KIAA1671: variants seen among roughly 807,000 people sequenced by gnomAD.
The protein encoded by KIAA1671 is KIAA1671, also known as uncharacterized protein KIAA1671.
KIAA1671 carries 52 observed loss-of-function variants against 131.2 expected under a neutral mutation model. The observed-to-expected ratio is 0.40, with a 90% CI of 0.32 to 0.50. The LOEUF (loss-of-function observed/expected upper bound fraction) is 0.50, where lower values mean the gene tolerates loss of function less well. KIAA1671 is among the 20% of genes least tolerant of loss of function. The pLI is 0.73. For missense variants in KIAA1671, 2,360 were observed against 2,364.2 expected, an observed-to-expected ratio of 1.00 and a Z score of 0.04; for synonymous variants, 1,003 against 961.6, an observed-to-expected ratio of 1.04 and a Z score of -0.80.
Position 25,071,399 on chromosome 22 carries a change from C to T in KIAA1671, c.4530+22035C>T, listed in dbSNP as rs182049282. On this transcript the variant is annotated intron_variant, in intron 6 of 12. Coordinates refer to ENST00000358431, the MANE Select transcript of KIAA1671 (RefSeq NM_001145206.2). ...CAGTCCCAGAGTGTCTCACCTCCCT[C>T]CTGAGCCCCCCAGAGCAGTGGGGAA... Among the ~76,000 whole-genome samples, 28 of 152,320 alleles carry T rather than the reference C, an allele frequency of 1.8e-4. 1 individual carries two copies. The highest frequency in any genetic ancestry group is 1.7e-3 in the Admixed American group (26 of 15,308).
intron 6 of KIAA1671, among the ~76,000 whole-genome samples, chr22:25,065,485 G>A (rs5752051): frequency 0.54 from 81,851 of 151,832 alleles, 24,132 homozygotes; most frequent in African/African-American, 0.8. Flanking sequence ...TGCTACATGC[G>A]AGTCTTCTGA....
chr22:24,999,235 C>T (rs1924304730), intron 1 of KIAA1671, among the ~76,000 whole-genome samples: 1 of 150,340 alleles, frequency 6.7e-6, no homozygotes, highest in Non-Finnish European at 1.5e-5. Context: ...GTATAGTATA[C>T]AGAGAGAGAG....
intron 6 of KIAA1671, among the ~76,000 whole-genome samples, chr22:25,162,314 G>T (rs1933474042): frequency 6.6e-6 from 1 of 152,194 alleles, no homozygotes; most frequent in African/African-American, 2.4e-5. Context: ...GCTGGCCTGG[G>T]CCCCATGACC....
intron 1 of KIAA1671, among the ~76,000 whole-genome samples, chr22:24,993,069 G>A (rs554106164): frequency 7.2e-5 from 11 of 152,034 alleles, no homozygotes; most frequent in Middle Eastern, 3.4e-3. Context: ...TCTCGAAGCC[G>A]CCCTCTCTGC....
Position 25,177,362 on chromosome 22 carries a change from C to A in KIAA1671, c.4914C>A (p.Leu1638=). 1 of 1,550,590 alleles carries A rather than the reference C, an allele frequency of 6.4e-7. No homozygotes were observed. Among genetic ancestry groups the A allele is most frequent in the Non-Finnish European group, 8.7e-7 (1 of 1,146,424 alleles). Residue 1638 remains leucine, a synonymous_variant, in exon 9 of 13, where the codon CTC becomes CTA. Transcript: ENST00000358431. The part of the protein sequence containing the change: ...DFSFIDQTSV[L]DSSALKTRVQ... Reference sequence around the variant, plus strand: ...TGCTCCCAAAGCAAACCTCAGTCCTCGACTCAAGTGCCCTCAAGACCCGGG... The same window carrying A: ...TGCTCCCAAAGCAAACCTCAGTCCTAGACTCAAGTGCCCTCAAGACCCGGG...
At chr22:25,136,649 T>C (rs1012768754) in intron 6 of KIAA1671, among the ~76,000 whole-genome samples, 1 of 152,220 alleles carries the variant, frequency 6.6e-6, no homozygotes, top group Admixed American at 6.5e-5. Context: ...TCTGAGCCTC[T>C]TCTGCATGTC....
Position 25,029,000 on chromosome 22 carries a change from A to G in KIAA1671, c.1001A>G (p.Glu334Gly), listed in dbSNP as rs1162096656. ...KLDRDCLVKA[E>G]APLHDPDLDF... is the part of the protein sequence containing the mutation. ...GACAGGGACTGTTTGGTCAAGGCGG[A>G]GGCTCCTCTTCATGATCCTGATTTG... Residue 334 changes from glutamate (E) to glycine (G), a missense_variant, in exon 3 of 13, where the codon GAG becomes GGG. Coordinates refer to ENST00000358431, the MANE Select transcript of KIAA1671 (RefSeq NM_001145206.2). The G allele has an allele frequency of 6.6e-7, 1 of 1,513,370 alleles. No individual in the cohort carries two copies. Among genetic ancestry groups the G allele is most frequent in the African/African-American group, 1.4e-5 (1 of 71,522 alleles). 93.7% of individuals were successfully genotyped at this position (1,513,370 alleles called of 1,614,324 possible). A position where few individuals can be genotyped will look rare whatever the true frequency, so the allele number is the denominator to read the frequency against.
chr22:24,991,721 A>G (rs1923852285), intron 1 of KIAA1671, among the ~76,000 whole-genome samples: 2 of 150,224 alleles, frequency 1.3e-5, no homozygotes, highest in Admixed American at 1.3e-4. Context: ...TCAGCCTCCC[A>G]AAGTGCTGGG....
intron 6 of KIAA1671, among the ~76,000 whole-genome samples, chr22:25,074,655 GA>G (rs1929012041): frequency 6.6e-6 from 1 of 151,936 alleles, no homozygotes; most frequent in Non-Finnish European, 1.5e-5. Flanking sequence ...GTACAAAGAA[GA>G]AAAGTCTCTG....
chr22:24,957,671 C>CTTTTTTTTT (rs886130979), intron 1 of KIAA1671, among the ~76,000 whole-genome samples: 10 of 100,298 alleles, frequency 1.0e-4, no homozygotes, highest in South Asian at 3.8e-4. Flanking sequence ...TCTTTTGTTC[C>CTTTTTTTTT]TTTTTTTTTT....
intron 6 of KIAA1671, among the ~76,000 whole-genome samples, chr22:25,088,605 C>T (rs575822850): frequency 6.6e-6 from 1 of 152,116 alleles, no homozygotes; most frequent in Non-Finnish European, 1.5e-5. Flanking sequence ...TTTTTAGGGA[C>T]AGAACATTTA....
intron 1 of KIAA1671, among the ~76,000 whole-genome samples, chr22:25,016,919 C>T (rs552365266): frequency 6.6e-5 from 10 of 152,310 alleles, no homozygotes; most frequent in South Asian, 6.2e-4. Context: ...TGCTGCCCCT[C>T]GCAGAGCAGG....
At chr22:24,979,571 G>T (rs537337710) in intron 1 of KIAA1671, among the ~76,000 whole-genome samples, 2 of 147,482 alleles carry the variant, frequency 1.4e-5, no homozygotes, top group Admixed American at 1.4e-4. Flanking sequence ...AGATGGTCTC[G>T]ATCTCCTGAC....
intron 1 of KIAA1671, among the ~76,000 whole-genome samples, chr22:24,984,012 A>G (rs1923374375): frequency 1.3e-5 from 2 of 152,010 alleles, no homozygotes; most frequent in Non-Finnish European, 2.9e-5. Flanking sequence ...TCCCGACCTC[A>G]GGTGATCTGC....
At chr22:25,130,288 G>A (rs997737810) in intron 6 of KIAA1671, among the ~76,000 whole-genome samples, 1 of 152,154 alleles carries the variant, frequency 6.6e-6, no homozygotes, top group Non-Finnish European at 1.5e-5. Flanking sequence ...TTAAGATCTA[G>A]GACATTCTCA....
At chr22:25,091,878 G>A (rs181354246) in intron 6 of KIAA1671, among the ~76,000 whole-genome samples, 188 of 152,272 alleles carry the variant, frequency 1.2e-3, no homozygotes, top group African/African-American at 4.4e-3. Flanking sequence ...CTTCATCACC[G>A]TCTTGTGGGT....
intron 1 of KIAA1671, chr22:25,014,992 C>G (rs1925227345): frequency 6.6e-6 from 1 of 152,136 alleles, no homozygotes; most frequent in Admixed American, 6.6e-5. Context: ...CTACTCAACT[C>G]TGTCACTAAG....
At chr22:25,103,725 C>G (rs1302825682) in intron 6 of KIAA1671, among the ~76,000 whole-genome samples, 1 of 152,156 alleles carries the variant, frequency 6.6e-6, no homozygotes, top group East Asian at 1.9e-4. Flanking sequence ...AATGCCTGAC[C>G]TTGTGATCCG....
chr22:25,034,139 A>G (rs1203300272), intron 4 of KIAA1671, among the ~76,000 whole-genome samples: 1 of 146,926 alleles, frequency 6.8e-6, no homozygotes, highest in Non-Finnish European at 1.5e-5. Flanking sequence ...TCCACCTCCC[A>G]GGTTCAAGTG....
Sources: gnomAD v4.1 joint callset for allele counts (sites outside exome capture counted in the v4.1 genomes callset) on GRCh38, gnomAD v4.1.1 for gene constraint, MANE v1.5 for transcripts, NCBI Gene and HGNC (gene_info 2026-07-23, HGNC 2026-07-21) for gene names.